TMEM132C: variants seen among roughly 807,000 people sequenced by gnomAD.
TMEM132C encodes the protein transmembrane protein 132C.
TMEM132C carries 29 observed loss-of-function variants against 61.4 expected under a neutral mutation model. The ratio of observed to expected loss-of-function variants is 0.47; its 90% CI spans 0.35 to 0.64. The LOEUF (loss-of-function observed/expected upper bound fraction) is 0.64. Among genes scored for constraint, TMEM132C ranks in the 30% least tolerant of loss-of-function variants. TMEM132C has a pLI of 0.00. For synonymous variants in TMEM132C, 656 were observed against 633.1 expected (o/e 1.04, Z -0.54); for missense variants, 1,408 against 1,476.9 (o/e 0.95, Z 0.76).
chr12:128,399,286 T>C (rs7304661), intron 1 of TMEM132C, among the ~76,000 whole-genome samples: 12,046 of 152,204 alleles, frequency 0.079, 1,617 homozygotes, highest in African/African-American at 0.27. Flanking sequence ...AAAAAGGCCA[T>C]CATAAAGAAC....
At chr12:128,357,421 G>T (rs573312982) in intron 1 of TMEM132C, among the ~76,000 whole-genome samples, 1 of 152,302 alleles carries the variant, frequency 6.6e-6, no homozygotes, top group East Asian at 1.9e-4. Context: ...CCCAGGCCGG[G>T]CACGGTGGCT....
chr12:128,393,814 A>G (rs570683595), intron 1 of TMEM132C, among the ~76,000 whole-genome samples: 1 of 152,350 alleles, frequency 6.6e-6, no homozygotes, highest in East Asian at 1.9e-4. Flanking sequence ...GAAAGGGCGA[A>G]TGGGCAAAGG....
chr12:128,368,802 C>T (rs1017619296), intron 1 of TMEM132C, among the ~76,000 whole-genome samples: 1 of 152,124 alleles, frequency 6.6e-6, no homozygotes, highest in Non-Finnish European at 1.5e-5. Context: ...TTCCACAAAG[C>T]GGGAGACTGA....
intron 4 of TMEM132C, among the ~76,000 whole-genome samples, chr12:128,638,989 ATGG>A: frequency 1.0e-5 from 1 of 99,648 alleles, no homozygotes; most frequent in African/African-American, 3.5e-5. Context: ...GATGGTGGTG[ATGG>A]TGATGGTGGT....
At chr12:128,492,855 A>T (rs1871791999) in intron 2 of TMEM132C, among the ~76,000 whole-genome samples, 1 of 152,008 alleles carries the variant, frequency 6.6e-6, no homozygotes, top group South Asian at 2.1e-4. Context: ...CTTTAGTTTA[A>T]TTGGTCCCAT....
At chr12:128,461,671 G>A (rs150590831) in intron 2 of TMEM132C, among the ~76,000 whole-genome samples, 1 of 152,256 alleles carries the variant, frequency 6.6e-6, no homozygotes, top group Admixed American at 6.5e-5. Flanking sequence ...TTGTTCACCA[G>A]GTCAGGATCT....
chr12:128,608,993 T>C (rs1565990210), intron 3 of TMEM132C, among the ~76,000 whole-genome samples: 1 of 152,188 alleles, frequency 6.6e-6, no homozygotes, highest in African/African-American at 2.4e-5. Context: ...AGAAGTGAAA[T>C]GTGGCTTGTT....
intron 1 of TMEM132C, among the ~76,000 whole-genome samples, chr12:128,270,248 A>G (rs981163313): frequency 1.3e-5 from 2 of 152,200 alleles, no homozygotes; most frequent in Admixed American, 1.3e-4. Context: ...GGGCAAATGT[A>G]TTTCAAGATT....
intron 2 of TMEM132C, among the ~76,000 whole-genome samples, chr12:128,440,980 G>T (rs1470178475): frequency 1.3e-5 from 2 of 152,188 alleles, no homozygotes; most frequent in East Asian, 1.9e-4. Context: ...GACAGAGGTT[G>T]CAGTGAGCTC....
chr12:128,474,615 A>G (rs1280575764), intron 2 of TMEM132C, among the ~76,000 whole-genome samples: 1 of 152,222 alleles, frequency 6.6e-6, no homozygotes, highest in Non-Finnish European at 1.5e-5. Flanking sequence ...GATATTTGTC[A>G]TAGTAATTAG....
At chr12:128,290,942 G>A (rs944243488) in intron 1 of TMEM132C, among the ~76,000 whole-genome samples, 1 of 151,926 alleles carries the variant, frequency 6.6e-6, no homozygotes, top group Admixed American at 6.5e-5. Flanking sequence ...GAATTCTGAT[G>A]TATACATATC....
intron 2 of TMEM132C, among the ~76,000 whole-genome samples, chr12:128,470,014 G>A (rs1355068618): frequency 6.6e-6 from 1 of 152,106 alleles, no homozygotes; most frequent in Non-Finnish European, 1.5e-5. Context: ...ATGCTTCTCT[G>A]TTCTCCTTCA....
chr12:128,385,978 G>A (rs1874567469), intron 1 of TMEM132C, among the ~76,000 whole-genome samples: 1 of 152,158 alleles, frequency 6.6e-6, no homozygotes, highest in Admixed American at 6.5e-5. Flanking sequence ...CCCACAGAGA[G>A]CTGGGCTATG....
chr12:128,477,480 G>A (rs979890229), intron 2 of TMEM132C, among the ~76,000 whole-genome samples: 3 of 152,166 alleles, frequency 2.0e-5, no homozygotes, highest in African/African-American at 7.2e-5. Context: ...GAAGGGCACC[G>A]CAAACCCCCT....
At chr12:128,683,743 G>C (rs12580967) in intron 5 of TMEM132C, among the ~76,000 whole-genome samples, 8,737 of 152,184 alleles carry the variant, frequency 0.057, 451 homozygotes, top group South Asian at 0.14. Context: ...AAGGTGGGTG[G>C]ATCACCTGAG....
intron 2 of TMEM132C, among the ~76,000 whole-genome samples, chr12:128,532,600 AT>A (rs36159337): frequency 0.39 from 54,222 of 138,394 alleles, 12,901 homozygotes; most frequent in African/African-American, 0.67. Context: ...AGATCGCGCC[AT>A]TTGCACTCCA....
intron 2 of TMEM132C, among the ~76,000 whole-genome samples, chr12:128,472,918 A>G (rs1198107666): frequency 6.6e-6 from 1 of 152,234 alleles, no homozygotes; most frequent in Non-Finnish European, 1.5e-5. Flanking sequence ...AGCTACTGTA[A>G]CAAATTATCC....
chr12:128,295,520 G>A (rs1616027), intron 1 of TMEM132C, among the ~76,000 whole-genome samples: 34,510 of 150,432 alleles, frequency 0.23, 4,419 homozygotes, highest in East Asian at 0.51. Context: ...GTGATGTCCA[G>A]GGCGTCCTGT....
chr12:128,362,413 C>T (rs953724126), intron 1 of TMEM132C, among the ~76,000 whole-genome samples: 5 of 152,090 alleles, frequency 3.3e-5, no homozygotes, highest in South Asian at 4.1e-4. Flanking sequence ...TCATCTCAAG[C>T]GAAGATTCAT....
Sources: allele counts gnomAD v4.1 joint callset (sites outside exome capture counted in the v4.1 genomes callset), GRCh38; gene constraint gnomAD v4.1.1; transcripts MANE v1.5; gene names NCBI Gene and HGNC (gene_info 2026-07-23, HGNC 2026-07-21).